The following TARS2 variants were observed in gnomAD, a reference collection of about 807,000 sequenced individuals.
TARS2 encodes the protein threonine--tRNA ligase, mitochondrial.
Under a neutral mutation model 94.4 loss-of-function variants are expected in TARS2, and 61 were observed. The observed-to-expected ratio is 0.65, with a 90% CI of 0.53 to 0.80. The LOEUF is 0.80. TARS2 is among the 30% of genes least tolerant of loss of function. The pLI is 0.00. For missense variants in TARS2, 704 were observed against 902.5 expected, an observed-to-expected ratio of 0.78 and a Z score of 2.82; for synonymous variants, 359 against 353.4, an observed-to-expected ratio of 1.02 and a Z score of -0.18.
At chr1:150,492,259 C>G in intron 6 of TARS2, 152 bp from the exon 7 acceptor site, 1 of 771,298 alleles carries the variant, frequency 1.3e-6, no homozygotes, top group Middle Eastern at 3.1e-4. Context: ...CCACCGCGCC[C>G]TGCCAGGGAA....
At chr1:150,489,779 T>C (rs1385121828) in intron 3 of TARS2, among the ~76,000 whole-genome samples, 2 of 152,084 alleles carry the variant, frequency 1.3e-5, no homozygotes, top group Non-Finnish European at 2.9e-5. Flanking sequence ...CCGTCTCTAC[T>C]AAAAATACAA....
At chr1:150,505,814 G>C in intron 17 of TARS2, 109 bp downstream of exon 17, 1 of 953,170 alleles carries the variant, frequency 1.0e-6, no homozygotes, top group Non-Finnish European at 1.6e-6. Context: ...CTCATTACCT[G>C]AGCAGGTAGG....
Position 150,487,458 on chromosome 1 carries a change from T to A in TARS2, c.8T>A (p.Leu3Gln), listed in dbSNP as rs955443982. 5.0e-6 allele frequency: 8 copies of A among 1,614,232 alleles called. No individual in the cohort carries two copies. In the African/African-American group the frequency reaches 8.0e-5, roughly 16 times the overall value. ...GCACTGGTGTGAAGGAACATGGCCC[T>A]GTATCAGAGGTGGCGGTGTCTCCGG... MA[L>Q]YQRWRCLRLQ... Residue 3 changes from leucine (L) to glutamine (Q), a missense_variant, in exon 1 of 18, where the codon CTG becomes CAG. Physicochemically the swap from Leu to Gln is moderately radical, Grantham distance 113 (BLOSUM62 -2). Around this residue, in one of 3 missense-constraint regions of TARS2, gnomAD observed 208 missense variants for 228.5 expected, o/e 0.91. Coordinates refer to ENST00000369064, the MANE Select transcript of TARS2 (RefSeq NM_025150.5).
At chr1:150,501,334 T>G (rs57967312) in intron 13 of TARS2, among the ~76,000 whole-genome samples, 2 of 98,690 alleles carry the variant, frequency 2.0e-5, no homozygotes, top group Non-Finnish European at 3.9e-5. Context: ...TTTTTTTTTA[T>G]TGAGACTATG....
In TARS2 at chr1:150,497,522, C is replaced by G. The variant is rs1048603870; in HGVS notation, c.1021-8C>G. The G allele has an allele frequency of 8.7e-6, 14 of 1,613,416 alleles. No homozygotes were observed. The highest frequency in any genetic ancestry group is 1.2e-5 in the Non-Finnish European group (14 of 1,179,814). On this transcript the variant is annotated splice_polypyrimidine_tract_variant and splice_region_variant and intron_variant, in intron 9 of 17. Coordinates refer to ENST00000369064, the MANE Select transcript of TARS2 (RefSeq NM_025150.5). ...TCTGACCTTCCATGTCTGTACCCTC[C>G]TCTCCAGGCTGAGTATGCCCATCGT... is the stretch of plus-strand genomic sequence containing the variant.
At chr1:150,492,113 G>C in intron 6 of TARS2, 1 of 323,422 alleles carries the variant, frequency 3.1e-6, no homozygotes, top group South Asian at 3.2e-5. Context: ...CTACAGGCAT[G>C]CACCACCATG....
rs757399211 is a variant in TARS2 at position 150,487,983 on chromosome 1, A to C, written c.192A>C (p.Ser64=). The change falls in exon 2 of 18, where the codon TCA becomes TCC. Residue 64 remains serine, a synonymous_variant. Coordinates refer to ENST00000369064, the MANE Select transcript of TARS2 (RefSeq NM_025150.5). The stretch of plus-strand genomic sequence containing the variant: ...AGGAACCCCGGACTATTAAGATATC[A>C]CTTCCTGGAGGCCAGAAAATTGATG... ...AQKEPRTIKI[S]LPGGQKIDAV... 6.2e-7 allele frequency: 1 copy of C among 1,614,028 alleles called. No individual in the cohort carries two copies. The highest frequency in any genetic ancestry group is 8.5e-7 in the Non-Finnish European group (1 of 1,179,996).
chr1:150,490,721 G>A lies in TARS2; in HGVS notation c.508G>A (p.Glu170Lys). 1 of 1,613,678 alleles carries A rather than the reference G, an allele frequency of 6.2e-7. No individual in the cohort carries two copies. The highest frequency in any genetic ancestry group is 8.5e-7 in the Non-Finnish European group (1 of 1,179,924). ...GFYHDFFLGK[E>K]RTIRGSELPV... ...TTACCATGATTTCTTCCTGGGAAAG[G>A]AGAGGTGAGTAATGAAAGGAAGGAG... The change falls in exon 4 of 18, where the codon GAG (glutamate) becomes AAG (lysine). Residue 170 changes from glutamate (E) to lysine (K), a missense_variant. By Grantham distance (56) the Glu-to-Lys change is moderately conservative (BLOSUM62 1). Around this residue, in one of 3 missense-constraint regions of TARS2, gnomAD observed 208 missense variants for 228.5 expected, o/e 0.91. Transcript: ENST00000369064.
At position 150,504,955 on chromosome 1, in the gene TARS2, G is replaced by A. The variant is rs1385031827; in HGVS notation, c.1870G>A (p.Glu624Lys). The part of the protein sequence containing the change: ...FQVVVIPVGS[E>K]QEEYAKEAQQ... ...GGTGGTGGTCATCCCTGTGGGGAGTGAGCAAGAGGAATACGCCAAAGAGGT... is the reference window on the plus strand; with the variant it reads ...GGTGGTGGTCATCCCTGTGGGGAGTAAGCAAGAGGAATACGCCAAAGAGGT... Residue 624 changes from glutamate (E) to lysine (K), a missense_variant, in exon 16 of 18, where the codon GAG (glutamate) becomes AAG (lysine). Glu to Lys is a moderately conservative substitution (Grantham distance 56). Transcript: ENST00000369064. 5.6e-6 allele frequency: 9 copies of A among 1,614,190 alleles called. No individual in the cohort carries two copies. Among genetic ancestry groups the A allele is most frequent in the Non-Finnish European group, 7.6e-6 (9 of 1,180,042 alleles).
intron 13 of TARS2, among the ~76,000 whole-genome samples, chr1:150,502,411 G>C (rs1200719254): frequency 1.4e-5 from 2 of 146,384 alleles, no homozygotes; most frequent in African/African-American, 5.0e-5. Context: ...TTTTGAGGCG[G>C]AGTTTTACTC....
rs920827525 is a variant in TARS2, at chr1:150,501,136, G to C, written c.1617+1843G>C. 5.3e-5 allele frequency among the ~76,000 whole-genome samples: 8 copies of C among 151,658 alleles called. 1 individual carries two copies. Among genetic ancestry groups the C allele is most frequent in the African/African-American group, 1.9e-4 (8 of 41,244 alleles). On this transcript the variant is annotated intron_variant, in intron 13 of 17. Coordinates refer to ENST00000369064, the MANE Select transcript of TARS2 (RefSeq NM_025150.5). ...TGGAGAAGAGGAGAGTTGTCAGTGA[G>C]GGGGCTGAAGATATGAAGAAAAGGC...
In TARS2 at chr1:150,504,450, C is replaced by G. The variant is rs368349064; in HGVS notation, c.1718+15C>G. 1 of 1,613,122 alleles carries G rather than the reference C, an allele frequency of 6.2e-7. No homozygotes were observed. Among genetic ancestry groups the G allele is most frequent in the Non-Finnish European group, 8.5e-7 (1 of 1,179,150 alleles). ...CAGTATAAGGGGTATAAAACCTTGC[C>G]CTATCCTCTTTTCCCTTGACAGTGC... On this transcript the variant is annotated intron_variant, in intron 14 of 17. Transcript: ENST00000369064.
At chr1:150,506,604 CACA>C (rs1006725647) in intron 17 of TARS2, among the ~76,000 whole-genome samples, 1 of 135,346 alleles carries the variant, frequency 7.4e-6, no homozygotes, top group African/African-American at 2.7e-5. Context: ...CACACACACA[CACA>C]GTTTCTCTCT....
chr1:150,496,880 TG>T lies in TARS2; in HGVS notation c.993del (p.Tyr332IlefsTer4). ...SCFFLPRGTR[V>X]YNALVAFIRA... ...TTCTTCCTGCCACGAGGGACAAGGG[TG>T]TATAATGCACTAGTGGCGTTTATCA... On this transcript the variant is annotated frameshift_variant, in exon 9 of 18. Coordinates refer to ENST00000369064, the MANE Select transcript of TARS2 (RefSeq NM_025150.5). LOFTEE classifies it high-confidence loss of function. 6.2e-7 allele frequency: 1 copy of T among 1,613,900 alleles called. No homozygotes were observed. The highest frequency in any genetic ancestry group is 8.5e-7 in the Non-Finnish European group (1 of 1,179,978).
intron 7 of TARS2, among the ~76,000 whole-genome samples, chr1:150,494,513 G>A (rs587641264): frequency 1.8e-4 from 28 of 152,192 alleles, no homozygotes; most frequent in African/African-American, 6.3e-4. Context: ...GCCAAGTTGG[G>A]CGGATCACTT....
chr1:150,490,819 TGGA>T, intron 4 of TARS2, 94 bp downstream of exon 4: 2 of 1,568,466 alleles, frequency 1.3e-6, no homozygotes, highest in Non-Finnish European at 1.7e-6. Flanking sequence ...ATGAGGAAGC[TGGA>T]GGAGAAGGGT....
At chr1:150,496,782 G>C (rs762049862) in intron 8 of TARS2, 28 bp from the exon 9 acceptor site, 8 of 1,612,648 alleles carry the variant, frequency 5.0e-6, no homozygotes, top group Non-Finnish European at 5.9e-6. Flanking sequence ...CCCTTGAGGT[G>C]ACCCAATATT....
chr1:150,496,369 G>T (rs1452062449), intron 7 of TARS2, 113 bp from the exon 8 acceptor site: 6 of 1,282,838 alleles, frequency 4.7e-6, no homozygotes, highest in Non-Finnish European at 6.4e-6. Context: ...TGGTGGGATT[G>T]TTGTCAAGAG....
chr1:150,487,577 A>G, intron 1 of TARS2, 61 bp downstream of exon 1: 7 of 1,608,214 alleles, frequency 4.4e-6, no homozygotes, highest in South Asian at 3.3e-5. Flanking sequence ...GAAGCCCCCA[A>G]ATTTTTATGT....
Sources: gnomAD v4.1 joint callset for allele counts (sites outside exome capture counted in the v4.1 genomes callset) on GRCh38, gnomAD v4.1.1 for gene constraint, gnomAD v4.1.1 regional missense constraint, MANE v1.5 for transcripts, NCBI Gene and HGNC (gene_info 2026-07-23, HGNC 2026-07-21) for gene names.